LDLRAD4: variants seen among roughly 807,000 people sequenced by gnomAD.
The protein encoded by LDLRAD4 is low density lipoprotein receptor class A domain containing 4.
In LDLRAD4, 5 loss-of-function variants were observed where a neutral mutation model predicts 17.0. That is an observed-to-expected ratio of 0.29 (90% CI 0.15 to 0.62). LDLRAD4 has a LOEUF of 0.62. LDLRAD4 is among the 20% of genes least tolerant of loss of function. The pLI is 0.84. For missense variants in LDLRAD4, 340 were observed against 424.7 expected (o/e 0.80, Z 1.75); for synonymous variants, 168 against 171.8 (o/e 0.98, Z 0.17).
In LDLRAD4 at chr18:13,348,768, A is replaced by G. The variant is rs902282994; in HGVS notation, c.-382-38573A>G. On this transcript the variant is annotated intron_variant, in intron 1 of 5. Transcript: ENST00000359446. ...TTGTTTACCTACTCAAGCCTCAGCA[A>G]TGGCGGGCGCCCCTCCCCTAGCCTC... Among the ~76,000 whole-genome samples the G allele has an allele frequency of 3.9e-5, 6 of 152,258 alleles. No homozygotes were observed. In the East Asian group the frequency reaches 9.7e-4, roughly 25 times the overall value.
chr18:13,237,871 AT>A (rs1477739312), intron 1 of LDLRAD4, among the ~76,000 whole-genome samples: 30 of 152,208 alleles, frequency 2.0e-4, no homozygotes, highest in African/African-American at 7.2e-4. Context: ...GGTCTAGGGA[AT>A]TTAGCACCTT....
In LDLRAD4 at chr18:13,354,328, G is replaced by A. The variant is rs72872595; in HGVS notation, c.-382-33013G>A. Among the ~76,000 whole-genome samples, 210 of 152,234 alleles carry A rather than the reference G, an allele frequency of 1.4e-3. 1 individual carries two copies. Among genetic ancestry groups the A allele is most frequent in the Non-Finnish European group, 2.5e-3 (169 of 68,018 alleles). ...AAATTTATCATATGGAAGTTCTTAC[G>A]GTGTTGATTTGGTTGCAGCACAACT... On this transcript the variant is annotated intron_variant, in intron 1 of 5. Transcript: ENST00000359446.
At position 13,634,833 on chromosome 18, in the gene LDLRAD4, A is replaced by C. The variant is rs1315140094; in HGVS notation, c.337-8526A>C. Among the ~76,000 whole-genome samples the C allele has an allele frequency of 2.0e-5, 3 of 152,142 alleles. No individual in the cohort carries two copies. In the East Asian group the frequency reaches 5.8e-4, roughly 29 times the overall value. On this transcript the variant is annotated intron_variant, in intron 4 of 5. Coordinates refer to ENST00000359446, the Ensembl canonical transcript of LDLRAD4. ...CTCACAATTCCTGATTTCAAGACTT[A>C]CTACAAAGCTGTAGTAAGTTTTGTA...
At chr18:13,609,060 G>A (rs1433218522) in intron 3 of LDLRAD4, among the ~76,000 whole-genome samples, 1 of 152,192 alleles carries the variant, frequency 6.6e-6, no homozygotes, top group Non-Finnish European at 1.5e-5. Context: ...AGCCATCAGA[G>A]TACTTACGTG....
chr18:13,328,522 C>G (rs1244420107), intron 1 of LDLRAD4, among the ~76,000 whole-genome samples: 1 of 152,226 alleles, frequency 6.6e-6, no homozygotes, highest in African/African-American at 2.4e-5. Flanking sequence ...GCAGCCCTTT[C>G]TGAGAAATAA....
Position 13,271,893 on chromosome 18 carries a change from CT to C in LDLRAD4, c.-466-6188del, listed in dbSNP as rs753254188. Reference sequence around the variant, plus strand: ...TTCCACCCCACCCTCCTGTTCAGTGCTTTTTTTTTTTTTTTTTTTTTTTTAA... The same window carrying C: ...TTCCACCCCACCCTCCTGTTCAGTGCTTTTTTTTTTTTTTTTTTTTTTTAA... On this transcript the variant is annotated intron_variant, in intron 1 of 5. Coordinates refer to the LDLRAD4 transcript ENST00000399848. 2.5e-3 allele frequency among the ~76,000 whole-genome samples: 201 copies of C among 79,028 alleles called. 1 individual carries two copies. Among genetic ancestry groups the C allele is most frequent in the Middle Eastern group, 0.011 (1 of 92 alleles). The allele number at this position is 79,028 out of a possible 152,430, so 51.8% of individuals were successfully genotyped here.
intron 1 of LDLRAD4, among the ~76,000 whole-genome samples, chr18:13,331,026 A>G (rs2081834315): frequency 6.6e-6 from 1 of 152,202 alleles, no homozygotes; most frequent in Non-Finnish European, 1.5e-5. Flanking sequence ...GCATCTCTTC[A>G]TCTGTATCCT....
chr18:13,318,565 A>G (rs182239747), intron 1 of LDLRAD4, among the ~76,000 whole-genome samples: 3 of 152,314 alleles, frequency 2.0e-5, no homozygotes, highest in Non-Finnish European at 4.4e-5. Context: ...GACCTCATAA[A>G]ATAGAATAAA....
At chr18:13,342,850 ATAAT>A (rs1353704980) in intron 1 of LDLRAD4, among the ~76,000 whole-genome samples, 7 of 151,962 alleles carry the variant, frequency 4.6e-5, no homozygotes, top group African/African-American at 1.7e-4. Flanking sequence ...TATATTTAAT[ATAAT>A]TACGGACAGG....
chr18:13,610,305 T>TTTTC (rs1491536129), intron 3 of LDLRAD4, among the ~76,000 whole-genome samples: 360 of 24,348 alleles, frequency 0.015, 94 homozygotes, highest in African/African-American at 0.036. Flanking sequence ...TTTTTTTTTT[T>TTTTC]GAGACGGAGT....
chr18:13,342,996 T>G (rs1311162161), intron 1 of LDLRAD4, among the ~76,000 whole-genome samples: 1 of 152,180 alleles, frequency 6.6e-6, no homozygotes, highest in Non-Finnish European at 1.5e-5. Context: ...TCCCTTCTCA[T>G]GTACTTTTGT....
At chr18:13,382,140 G>A (rs1361268983) in intron 1 of LDLRAD4, among the ~76,000 whole-genome samples, 1 of 152,232 alleles carries the variant, frequency 6.6e-6, no homozygotes, top group Non-Finnish European at 1.5e-5. Context: ...TGAAACTGCA[G>A]CGTCAATTCT....
chr18:13,589,363 C>A (rs1017487964), intron 3 of LDLRAD4, among the ~76,000 whole-genome samples: 1 of 152,170 alleles, frequency 6.6e-6, no homozygotes, highest in Non-Finnish European at 1.5e-5. Flanking sequence ...TACATGGGGC[C>A]CCATGGCACA....
chr18:13,420,615 G>C (rs1459313253), intron 2 of LDLRAD4: 1 of 152,176 alleles, frequency 6.6e-6, no homozygotes, highest in African/African-American at 2.4e-5. Flanking sequence ...GTGGAATCAG[G>C]GTTTAAACTG....
intron 1 of LDLRAD4, among the ~76,000 whole-genome samples, chr18:13,220,349 A>G (rs913998291): frequency 3.9e-5 from 6 of 152,110 alleles, no homozygotes; most frequent in Admixed American, 3.3e-4. Context: ...AGGGCTTGCC[A>G]TTGTTGGCCA....
chr18:13,330,653 A>G (rs1338428331), intron 1 of LDLRAD4, among the ~76,000 whole-genome samples: 2 of 152,200 alleles, frequency 1.3e-5, no homozygotes, highest in Admixed American at 6.5e-5. Context: ...TTTTCCTGAC[A>G]TACAACTCTA....
intron 4 of LDLRAD4, among the ~76,000 whole-genome samples, chr18:13,624,781 A>G (rs1401211308): frequency 1.3e-5 from 2 of 152,178 alleles, no homozygotes; most frequent in African/African-American, 4.8e-5. Context: ...GCTGGTCAGC[A>G]TGGCAGGGAG....
At chr18:13,323,390 C>T (rs1268925995) in intron 1 of LDLRAD4, among the ~76,000 whole-genome samples, 1 of 152,184 alleles carries the variant, frequency 6.6e-6, no homozygotes, top group Non-Finnish European at 1.5e-5. Context: ...AATGGCAGGA[C>T]TGGTAATTAG....
At chr18:13,549,628 G>C (rs2094409606) in intron 3 of LDLRAD4, among the ~76,000 whole-genome samples, 2 of 151,916 alleles carry the variant, frequency 1.3e-5, no homozygotes, top group South Asian at 4.2e-4. Context: ...GCTACCAAGA[G>C]CAGAGGACAG....
Sources: allele counts gnomAD v4.1 joint callset (sites outside exome capture counted in the v4.1 genomes callset), GRCh38; gene constraint gnomAD v4.1.1; transcripts MANE v1.5; gene names NCBI Gene and HGNC (gene_info 2026-07-23, HGNC 2026-07-21).